Variants in ANXA10 observed in about 807,000 individuals in gnomAD.
The protein encoded by ANXA10 is annexin 14.
ANXA10 carries 49 observed loss-of-function variants against 53.5 expected under a neutral mutation model. That is an observed-to-expected ratio of 0.92 (90% confidence interval 0.73 to 1.16). ANXA10 has a LOEUF of 1.16. Among genes scored for constraint, ANXA10 ranks in the 50% most tolerant of loss-of-function variants. The probability of loss-of-function intolerance (pLI) is 0.00; values close to 1 mark genes in which losing one functional copy is unlikely to be tolerated. For missense variants in ANXA10, 393 were observed against 394.4 expected (o/e 1.00, Z 0.03); for synonymous variants, 131 against 128.9 (o/e 1.02, Z -0.11).
intron 2 of ANXA10, among the ~76,000 whole-genome samples, chr4:168,131,795 A>G (rs928370629): frequency 1.3e-5 from 2 of 152,058 alleles, no homozygotes; most frequent in Non-Finnish European, 2.9e-5. Flanking sequence ...TTTGTCTAAA[A>G]TTAACATAGC....
chr4:168,160,896 T>G (rs1731771472), intron 3 of ANXA10, among the ~76,000 whole-genome samples: 1 of 152,198 alleles, frequency 6.6e-6, no homozygotes. Flanking sequence ...TCCCACTTTT[T>G]AATGGGGTTG....
intron 9 of ANXA10, 138 bp from the exon 10 acceptor site, chr4:168,181,545 G>A: frequency 1.4e-6 from 1 of 730,322 alleles, no homozygotes; most frequent in Non-Finnish European, 2.4e-6. Flanking sequence ...GGCTTATAGT[G>A]TTACCATTAT....
At chr4:168,099,341 G>A (rs1186665575) in intron 1 of ANXA10, among the ~76,000 whole-genome samples, 3 of 152,118 alleles carry the variant, frequency 2.0e-5, no homozygotes, top group Non-Finnish European at 4.4e-5. Context: ...GGTCAAAGAT[G>A]CCGAAAGAGA....
intron 3 of ANXA10, among the ~76,000 whole-genome samples, chr4:168,144,600 T>G (rs1731379258): frequency 6.6e-6 from 1 of 152,202 alleles, no homozygotes; most frequent in South Asian, 2.1e-4. Flanking sequence ...AATGGTCAGG[T>G]GCAAGAGGGA....
At chr4:168,125,042 C>A (rs1731046439) in intron 1 of ANXA10, among the ~76,000 whole-genome samples, 1 of 152,146 alleles carries the variant, frequency 6.6e-6, no homozygotes, top group Non-Finnish European at 1.5e-5. Context: ...GTAAGGAAGA[C>A]AATGTGCTCA....
At chr4:168,185,722 A>G (rs1336186021) in intron 11 of ANXA10, among the ~76,000 whole-genome samples, 1 of 152,234 alleles carries the variant, frequency 6.6e-6, no homozygotes, top group African/African-American at 2.4e-5. Context: ...AGCCAAGCAC[A>G]GGGACATAAG....
At chr4:168,140,988 T>C (rs535159183) in intron 3 of ANXA10, among the ~76,000 whole-genome samples, 1 of 152,312 alleles carries the variant, frequency 6.6e-6, no homozygotes, top group East Asian at 1.9e-4. Flanking sequence ...TTTTTACAAA[T>C]CAGGTTAAAT....
At chr4:168,125,237 G>C (rs1203795126) in intron 1 of ANXA10, among the ~76,000 whole-genome samples, 2 of 152,066 alleles carry the variant, frequency 1.3e-5, no homozygotes, top group African/African-American at 4.8e-5. Context: ...GCCATGTTCT[G>C]GGTAAATGCC....
chr4:168,159,253 C>T (rs549721268), intron 3 of ANXA10, among the ~76,000 whole-genome samples: 26 of 152,214 alleles, frequency 1.7e-4, no homozygotes, highest in African/African-American at 5.3e-4. Flanking sequence ...CCTACTTGCT[C>T]GTTAGGTGTC....
chr4:168,117,226 G>GA (rs879545411), intron 1 of ANXA10, among the ~76,000 whole-genome samples: 3 of 152,024 alleles, frequency 2.0e-5, no homozygotes, highest in Admixed American at 6.5e-5. Flanking sequence ...CTGGGCAACA[G>GA]AAAAAAATCC....
chr4:168,162,466 T>C, intron 3 of ANXA10, 62 bp from the exon 4 acceptor site: 1 of 1,132,846 alleles, frequency 8.8e-7, no homozygotes, highest in Non-Finnish European at 1.3e-6. Context: ...TTTCTGCAAT[T>C]ATCTCATTTC....
intron 1 of ANXA10, among the ~76,000 whole-genome samples, chr4:168,115,503 A>G (rs952962832): frequency 0.017 from 1,806 of 108,364 alleles, 35 homozygotes; most frequent in African/African-American, 0.073. Flanking sequence ...ACACGCACAC[A>G]CACACACACA....
intron 1 of ANXA10, among the ~76,000 whole-genome samples, chr4:168,120,645 G>A (rs961530171): frequency 2.0e-5 from 3 of 151,950 alleles, no homozygotes; most frequent in African/African-American, 7.2e-5. Flanking sequence ...AGGGAAATTA[G>A]GAAGCAATGT....
intron 2 of ANXA10, among the ~76,000 whole-genome samples, chr4:168,136,829 C>T (rs745787492): frequency 2.6e-5 from 4 of 152,222 alleles, no homozygotes; most frequent in Non-Finnish European, 5.9e-5. Flanking sequence ...ACATTTTTCC[C>T]CCACACTGCC....
rs968993087 is a variant in ANXA10, at chr4:168,139,412, G to A, written c.101-74G>A. ...GGGATAATGCGTGCATACTGGTTAT[G>A]ATCGTTAGATAAAGGATTCTTCCCA... On this transcript the variant is annotated intron_variant, in intron 2 of 11. Transcript: ENST00000359299. 3 of 1,257,590 alleles carry A rather than the reference G, an allele frequency of 2.4e-6. No homozygotes were observed. The Admixed American group carries it at 5.5e-5, about 23-fold the overall frequency. The allele number at this position is 1,257,590 out of a possible 1,614,324, so 77.9% of individuals were successfully genotyped here.
At chr4:168,182,699 T>C (rs1026156228) in intron 10 of ANXA10, among the ~76,000 whole-genome samples, 1 of 148,096 alleles carries the variant, frequency 6.8e-6, no homozygotes, top group African/African-American at 2.5e-5. Context: ...TCCTTATCCA[T>C]ATCTACATGA....
At chr4:168,182,318 ATTTTTTTTTTT>A (rs542260478) in intron 10 of ANXA10, among the ~76,000 whole-genome samples, 26 of 49,752 alleles carry the variant, frequency 5.2e-4, no homozygotes, top group South Asian at 3.4e-3. Context: ...TGGAGCATTA[ATTTTTTTTTTT>A]TTTTTTTTTT....
intron 3 of ANXA10, among the ~76,000 whole-genome samples, chr4:168,141,616 T>C (rs1215775602): frequency 1.3e-5 from 2 of 152,094 alleles, no homozygotes; most frequent in African/African-American, 2.4e-5. Flanking sequence ...AGTAAGATAA[T>C]GGCCAAGTGA....
At position 168,130,076 on chromosome 4, in the gene ANXA10, T is replaced by C. The variant is rs74911802; in HGVS notation, c.100+1911T>C. On this transcript the variant is annotated intron_variant, in intron 2 of 11. Coordinates refer to ENST00000359299, the MANE Select transcript of ANXA10 (RefSeq NM_007193.5). ...AATCTCAGCTTGTTCCTGATCTTTC[T>C]GATCATTAAGTATGATGCTAGCTAT... 9.4e-3 allele frequency among the ~76,000 whole-genome samples: 1,431 copies of C among 152,302 alleles called. 18 individuals carry two copies. Among genetic ancestry groups the C allele is most frequent in the African/African-American group, 0.032 (1,346 of 41,570 alleles).
Sources: gnomAD v4.1 joint callset for allele counts (sites outside exome capture counted in the v4.1 genomes callset) on GRCh38, gnomAD v4.1.1 for gene constraint, MANE v1.5 for transcripts, NCBI Gene and HGNC (gene_info 2026-07-23, HGNC 2026-07-21) for gene names.